METTL16: variants seen among roughly 807,000 people sequenced by gnomAD.
METTL16 encodes methyltransferase 16, RNA N6-adenosine, also known as RNA N(6)-adenosine-methyltransferase METTL16.
In METTL16, 19 loss-of-function variants were observed where a neutral mutation model predicts 57.9. That is an observed-to-expected ratio of 0.33 (90% CI 0.23 to 0.48). METTL16 has a LOEUF of 0.48. Among genes scored for constraint, METTL16 ranks in the 20% least tolerant of loss-of-function variants. The pLI, the probability that METTL16 is intolerant of heterozygous loss-of-function variation, is 0.99. For synonymous variants in METTL16, 246 were observed against 255.6 expected (o/e 0.96, Z 0.36); for missense variants, 434 against 691.5 (o/e 0.63, Z 4.18).
chr17:2,507,169 C>T (rs977218965), intron 1 of METTL16, among the ~76,000 whole-genome samples: 9 of 149,498 alleles, frequency 6.0e-5, no homozygotes, highest in African/African-American at 2.2e-4. Flanking sequence ...AGCCCCTCTG[C>T]CCGGCCAGCC....
chr17:2,504,535 G>C (rs577640886), intron 1 of METTL16, among the ~76,000 whole-genome samples: 1 of 152,188 alleles, frequency 6.6e-6, no homozygotes, highest in East Asian at 1.9e-4. Context: ...ATTAGTTAGA[G>C]GTTAGTTGTG....
At chr17:2,434,108 A>C (rs2151546715) in intron 8 of METTL16, among the ~76,000 whole-genome samples, 1 of 152,332 alleles carries the variant, frequency 6.6e-6, no homozygotes, top group African/African-American at 2.4e-5. Flanking sequence ...GAGGGTCCTA[A>C]GCTTTGGTTT....
chr17:2,476,457 G>A (rs972758978), intron 3 of METTL16, among the ~76,000 whole-genome samples: 2 of 152,162 alleles, frequency 1.3e-5, no homozygotes, highest in African/African-American at 4.8e-5. Flanking sequence ...TGCCTGAAAA[G>A]TGGAGAACAG....
chr17:2,433,728 A>G (rs1175810433), intron 8 of METTL16, among the ~76,000 whole-genome samples: 2 of 152,214 alleles, frequency 1.3e-5, no homozygotes, highest in African/African-American at 4.8e-5. Context: ...CAGTGCTTCA[A>G]ATCTACTAAA....
At chr17:2,489,749 A>AAAAAAAAAAAAAC (rs1555620741) in intron 2 of METTL16, among the ~76,000 whole-genome samples, 31 of 147,996 alleles carry the variant, frequency 2.1e-4, no homozygotes, top group African/African-American at 7.9e-4. Context: ...AAAAAAAAAA[A>AAAAAAAAAAAAAC]CGAATACTGC....
rs1239733526 is a variant in METTL16 at position 2,491,971 on chromosome 17, G to C, written c.128+10233C>G. On this transcript the variant is annotated intron_variant, in intron 2 of 9. Transcript: ENST00000263092. ...TCACGCCTGTAACCCCAGCACTTTAGGAGGCCAAGGCTGACGGATCACGAG... is the reference window on the plus strand; with the variant it reads ...TCACGCCTGTAACCCCAGCACTTTACGAGGCCAAGGCTGACGGATCACGAG... Among the ~76,000 whole-genome samples, 3 of 151,072 alleles carry C rather than the reference G, an allele frequency of 2.0e-5. No homozygotes were observed. The East Asian group carries it at 5.8e-4, about 29-fold the overall frequency.
chr17:2,428,888 T>C (rs1160578989), intron 8 of METTL16, among the ~76,000 whole-genome samples: 1 of 152,150 alleles, frequency 6.6e-6, no homozygotes, highest in African/African-American at 2.4e-5. Context: ...GACGGAGTTT[T>C]GCTCTTGTTG....
intron 7 of METTL16, among the ~76,000 whole-genome samples, chr17:2,440,674 G>T (rs1217580204): frequency 6.6e-6 from 1 of 152,016 alleles, no homozygotes; most frequent in Non-Finnish European, 1.5e-5. Flanking sequence ...GGTCCCAAAG[G>T]AAAAGAAATC....
At chr17:2,435,798 G>A (rs958407113) in intron 8 of METTL16, among the ~76,000 whole-genome samples, 1 of 151,144 alleles carries the variant, frequency 6.6e-6, no homozygotes, top group African/African-American at 2.4e-5. Context: ...GAAGACTCTG[G>A]TAGGGGGGGA....
At chr17:2,484,921 T>C (rs1483045588) in intron 2 of METTL16, among the ~76,000 whole-genome samples, 1 of 152,164 alleles carries the variant, frequency 6.6e-6, no homozygotes, top group Admixed American at 6.5e-5. Flanking sequence ...AAGATTAATA[T>C]GGGCAATAAA....
At chr17:2,464,405 T>A (rs913361519) in intron 5 of METTL16, 55 bp from the exon 6 acceptor site, 4 of 1,495,034 alleles carry the variant, frequency 2.7e-6, no homozygotes, top group East Asian at 2.3e-5. Context: ...AGAACCAAGT[T>A]TGAATGTAAT....
At chr17:2,428,020 G>C (rs1471467218) in intron 8 of METTL16, among the ~76,000 whole-genome samples, 1 of 150,490 alleles carries the variant, frequency 6.6e-6, no homozygotes. Context: ...AAGTGGAAGA[G>C]GGAAGGAGAG....
At chr17:2,471,734 G>A (rs1376783608) in intron 4 of METTL16, among the ~76,000 whole-genome samples, 1 of 152,052 alleles carries the variant, frequency 6.6e-6, no homozygotes, top group East Asian at 1.9e-4. Flanking sequence ...CTTGCAATGA[G>A]CCGAGATTGC....
At chr17:2,450,005 A>G (rs1334045845) in intron 6 of METTL16, among the ~76,000 whole-genome samples, 2 of 152,242 alleles carry the variant, frequency 1.3e-5, no homozygotes, top group Non-Finnish European at 2.9e-5. Flanking sequence ...AATGGTGTCA[A>G]CGGAAACTCT....
chr17:2,510,343 G>A (rs2151583661), intron 1 of METTL16, among the ~76,000 whole-genome samples: 1 of 152,208 alleles, frequency 6.6e-6, no homozygotes, highest in Non-Finnish European at 1.5e-5. Flanking sequence ...ATACATTGTT[G>A]CTGACTTTAG....
At chr17:2,482,423 T>C (rs1227748460) in intron 2 of METTL16, among the ~76,000 whole-genome samples, 1 of 152,154 alleles carries the variant, frequency 6.6e-6, no homozygotes, top group African/African-American at 2.4e-5. Context: ...AGAGCTAAGA[T>C]GAAAACACCT....
intron 2 of METTL16, among the ~76,000 whole-genome samples, chr17:2,482,890 G>GACCCC (rs1567901027): frequency 1.3e-5 from 2 of 152,044 alleles, no homozygotes; most frequent in Non-Finnish European, 2.9e-5. Context: ...CAGCCTGGGT[G>GACCCC]ACAGAGTGGG....
chr17:2,509,269 G>A (rs1468234800), intron 1 of METTL16, among the ~76,000 whole-genome samples: 1 of 152,178 alleles, frequency 6.6e-6, no homozygotes, highest in Non-Finnish European at 1.5e-5. Context: ...GGGATTAGTA[G>A]TCACCTGAAA....
chr17:2,449,279 A>G (rs1247507947), intron 6 of METTL16, among the ~76,000 whole-genome samples: 1 of 152,210 alleles, frequency 6.6e-6, no homozygotes, highest in Non-Finnish European at 1.5e-5. Flanking sequence ...AACTTGACCT[A>G]TAAATTCAAC....
Sources: gnomAD v4.1 joint callset for allele counts (sites outside exome capture counted in the v4.1 genomes callset) on GRCh38, gnomAD v4.1.1 for gene constraint, MANE v1.5 for transcripts, NCBI Gene and HGNC (gene_info 2026-07-23, HGNC 2026-07-21) for gene names.